Variants in GFOD1 observed in about 807,000 individuals in gnomAD.
GFOD1 encodes glucose-fructose oxidoreductase domain-containing protein 1.
GFOD1 carries 9 observed loss-of-function variants against 25.4 expected under a neutral mutation model. That is an observed-to-expected ratio of 0.35 (90% CI 0.21 to 0.62). The LOEUF is 0.62. Ranked by LOEUF, GFOD1 falls within the 20% of genes least tolerant of loss-of-function variation. GFOD1 has a pLI of 0.72. For missense variants in GFOD1, 403 were observed against 556.9 expected, an observed-to-expected ratio of 0.72 and a Z score of 2.78; for synonymous variants, 253 against 245.6, an observed-to-expected ratio of 1.03 and a Z score of -0.28.
At chr6:13,477,895 C>A (rs967579313) in intron 1 of GFOD1, among the ~76,000 whole-genome samples, 2 of 151,846 alleles carry the variant, frequency 1.3e-5, no homozygotes, top group Non-Finnish European at 2.9e-5. Flanking sequence ...GCGACCCCAT[C>A]TCTATCAAAA....
intron 1 of GFOD1, among the ~76,000 whole-genome samples, chr6:13,390,283 T>C (rs1420865647): frequency 6.6e-6 from 1 of 152,162 alleles, no homozygotes; most frequent in Non-Finnish European, 1.5e-5. Flanking sequence ...ATTTTGTTGT[T>C]GTTGTTGTTG....
At chr6:13,413,037 G>A (rs888854702) in intron 1 of GFOD1, among the ~76,000 whole-genome samples, 2 of 152,224 alleles carry the variant, frequency 1.3e-5, no homozygotes, top group Non-Finnish European at 2.9e-5. Context: ...ATGAAGTTTT[G>A]CCCAGGCACA....
At chr6:13,415,190 A>G (rs1324838596) in intron 1 of GFOD1, among the ~76,000 whole-genome samples, 1 of 152,082 alleles carries the variant, frequency 6.6e-6, no homozygotes, top group Non-Finnish European at 1.5e-5. Flanking sequence ...CAGACTAGAC[A>G]CCAACACCTA....
At chr6:13,386,453 T>TGCCAGCA (rs552661692) in intron 1 of GFOD1, among the ~76,000 whole-genome samples, 1 of 152,188 alleles carries the variant, frequency 6.6e-6, no homozygotes, top group African/African-American at 2.4e-5. Context: ...CGGCTGTCCC[T>TGCCAGCA]GCCAGCAGCC....
intron 1 of GFOD1, among the ~76,000 whole-genome samples, chr6:13,453,111 C>A (rs1439142127): frequency 6.6e-6 from 1 of 152,218 alleles, no homozygotes; most frequent in East Asian, 1.9e-4. Flanking sequence ...CCAAACCTAT[C>A]AAAGAAAGAA....
chr6:13,392,888 C>A (rs1220524166), intron 1 of GFOD1, among the ~76,000 whole-genome samples: 4 of 148,704 alleles, frequency 2.7e-5, no homozygotes, highest in African/African-American at 1.0e-4. Flanking sequence ...AGATGCTGTC[C>A]CTACAAAAAA....
chr6:13,435,667 G>T (rs1326833308), intron 1 of GFOD1, among the ~76,000 whole-genome samples: 1 of 152,188 alleles, frequency 6.6e-6, no homozygotes, highest in East Asian at 1.9e-4. Flanking sequence ...AGCTAGACTT[G>T]ATCCAAACCA....
At chr6:13,428,396 G>A (rs1016335278) in intron 1 of GFOD1, among the ~76,000 whole-genome samples, 1 of 152,176 alleles carries the variant, frequency 6.6e-6, no homozygotes, top group Non-Finnish European at 1.5e-5. Context: ...TGAGAAGGAT[G>A]CGAAAGCCGA....
chr6:13,420,806 T>C (rs1584641475), intron 1 of GFOD1, among the ~76,000 whole-genome samples: 1 of 152,360 alleles, frequency 6.6e-6, no homozygotes, highest in Admixed American at 6.5e-5. Context: ...TCTTCCTTTG[T>C]GAGGGAGTAT....
Position 13,486,769 on chromosome 6 carries a change from T to A in GFOD1, c.122A>T (p.Glu41Val), listed in dbSNP as rs1233875420. 1.2e-6 allele frequency: 2 copies of A among 1,613,952 alleles called. No homozygotes were observed. Among genetic ancestry groups the A allele is most frequent in the Non-Finnish European group, 1.7e-6 (2 of 1,180,020 alleles). The change falls in exon 1 of 2, where the codon GAG (glutamate) becomes GTG (valine). Residue 41 changes from glutamate to valine, a missense_variant. Transcript: ENST00000379287. The stretch of plus-strand genomic sequence containing the variant: ...GGGGACACTCATCTCCTTGGCCAGC[T>A]CCTCCGCTTCTTCCTGCGTGCGGCC... Reference protein sequence around the residue: ...LWGRTQEEAEELAKEMSVPFY... With the variant: ...LWGRTQEEAEVLAKEMSVPFY...
intron 1 of GFOD1, among the ~76,000 whole-genome samples, chr6:13,387,959 C>A (rs1785509751): frequency 6.6e-6 from 1 of 152,176 alleles, no homozygotes; most frequent in Non-Finnish European, 1.5e-5. Context: ...CACAAGCATT[C>A]CTATACAACA....
chr6:13,379,524 C>T (rs1333764416), intron 1 of GFOD1, among the ~76,000 whole-genome samples: 1 of 152,124 alleles, frequency 6.6e-6, no homozygotes, highest in South Asian at 2.1e-4. Context: ...TCACCCAGCA[C>T]CAGCACCACT....
chr6:13,414,268 A>G (rs1786127275), intron 1 of GFOD1, among the ~76,000 whole-genome samples: 1 of 152,246 alleles, frequency 6.6e-6, no homozygotes, highest in Admixed American at 6.5e-5. Flanking sequence ...GAAAAGATGC[A>G]CATATTTGGA....
chr6:13,360,503 A>G lies in GFOD1; in HGVS notation c.*4240T>C. ...AAGGACATTTTCCTACGTTATATTC[A>G]GACCCCCAAGAGCAAATTCCAAGGC... is the stretch of plus-strand genomic sequence containing the variant. On this transcript the variant is annotated 3_prime_UTR_variant, in exon 2 of 2. Transcript: ENST00000379287. 2.8e-6 allele frequency: 1 copy of G among 355,790 alleles called. No homozygotes were observed. The highest frequency in any genetic ancestry group is 7.4e-5 in the East Asian group (1 of 13,464). 22.0% of individuals were successfully genotyped at this position (355,790 alleles called of 1,614,324 possible). A position where few individuals can be genotyped will look rare whatever the true frequency, so the allele number is the denominator to read the frequency against.
At chr6:13,446,435 T>C (rs965230969) in intron 1 of GFOD1, among the ~76,000 whole-genome samples, 1 of 152,112 alleles carries the variant, frequency 6.6e-6, no homozygotes, top group Non-Finnish European at 1.5e-5. Context: ...CTGTGATCTC[T>C]AGGTTGGAGG....
chr6:13,414,895 T>A (rs1020493993), intron 1 of GFOD1, among the ~76,000 whole-genome samples: 1 of 152,198 alleles, frequency 6.6e-6, no homozygotes, highest in Non-Finnish European at 1.5e-5. Context: ...CAAAAGAGAC[T>A]GTGACTCAAA....
At chr6:13,405,711 A>T (rs1290611473) in intron 1 of GFOD1, among the ~76,000 whole-genome samples, 1 of 152,178 alleles carries the variant, frequency 6.6e-6, no homozygotes, top group African/African-American at 2.4e-5. Context: ...ATGGAATGAA[A>T]CTTAGATCAT....
intron 1 of GFOD1, among the ~76,000 whole-genome samples, chr6:13,406,066 G>C (rs1181101622): frequency 6.6e-6 from 1 of 152,164 alleles, no homozygotes; most frequent in Non-Finnish European, 1.5e-5. Flanking sequence ...GCTATTCAGG[G>C]AATATTATGT....
chr6:13,436,061 G>C (rs1757828050), intron 1 of GFOD1, among the ~76,000 whole-genome samples: 1 of 152,182 alleles, frequency 6.6e-6, no homozygotes, highest in South Asian at 2.1e-4. Context: ...TGTTATCGGG[G>C]AGTAACAGTG....
Sources: allele counts gnomAD v4.1 joint callset (sites outside exome capture counted in the v4.1 genomes callset), GRCh38; gene constraint gnomAD v4.1.1; transcripts MANE v1.5; gene names NCBI Gene and HGNC (gene_info 2026-07-23, HGNC 2026-07-21).